Variants in CNTNAP2 observed in about 807,000 individuals in gnomAD.
CNTNAP2 encodes the protein contactin-associated protein-like 2.
CNTNAP2 carries 98 observed loss-of-function variants against 155.2 expected under a neutral mutation model. That is an observed-to-expected ratio of 0.63 (90% CI 0.54 to 0.75). CNTNAP2 has a LOEUF of 0.75. Among genes scored for constraint, CNTNAP2 ranks in the 30% least tolerant of loss-of-function variants. The pLI, the probability that CNTNAP2 is intolerant of heterozygous loss-of-function variation, is 0.00. For missense variants in CNTNAP2, 1,727 were observed against 1,688.1 expected (o/e 1.02, Z -0.40); for synonymous variants, 651 against 631.2 (o/e 1.03, Z -0.47).
At chr7:147,477,502 CT>C (rs201729105) in intron 10 of CNTNAP2, among the ~76,000 whole-genome samples, 2,424 of 152,114 alleles carry the variant, frequency 0.016, 71 homozygotes, top group African/African-American at 0.055. Context: ...TTTATTTTGC[CT>C]TTAGTTTTTC....
intron 21 of CNTNAP2, among the ~76,000 whole-genome samples, chr7:148,268,553 G>A (rs1796716709): frequency 6.6e-6 from 1 of 152,050 alleles, no homozygotes; most frequent in Non-Finnish European, 1.5e-5. Flanking sequence ...TACTTGGGAG[G>A]CTGAGGCAGG....
At chr7:146,158,528 C>T (rs756269741) in intron 1 of CNTNAP2, among the ~76,000 whole-genome samples, 1 of 152,224 alleles carries the variant, frequency 6.6e-6, no homozygotes, top group South Asian at 2.1e-4. Context: ...CTAGAATAAA[C>T]AGTGTAGAGA....
chr7:148,272,684 C>A (rs993014929), intron 21 of CNTNAP2, among the ~76,000 whole-genome samples: 1 of 151,874 alleles, frequency 6.6e-6, no homozygotes, highest in African/African-American at 2.4e-5. Flanking sequence ...GATGGGAGAC[C>A]CCCAGCATCA....
intron 3 of CNTNAP2, among the ~76,000 whole-genome samples, chr7:146,985,437 C>G (rs758305534): frequency 6.6e-6 from 1 of 151,538 alleles, no homozygotes; most frequent in Non-Finnish European, 1.5e-5. Flanking sequence ...CCTGCCTCAG[C>G]CTCCCAAGTA....
chr7:147,599,836 G>A (rs1800909622), intron 12 of CNTNAP2, among the ~76,000 whole-genome samples: 1 of 152,154 alleles, frequency 6.6e-6, no homozygotes, highest in Non-Finnish European at 1.5e-5. Context: ...CATCTGCAAA[G>A]ACGCTATTTC....
At chr7:147,337,742 T>C (rs1795689162) in intron 9 of CNTNAP2, among the ~76,000 whole-genome samples, 1 of 152,120 alleles carries the variant, frequency 6.6e-6, no homozygotes, top group Non-Finnish European at 1.5e-5. Context: ...CCTCTGCCAT[T>C]TCTAGGATGA....
intron 1 of CNTNAP2, among the ~76,000 whole-genome samples, chr7:146,228,073 C>T (rs1799324737): frequency 6.6e-6 from 1 of 152,150 alleles, no homozygotes; most frequent in African/African-American, 2.4e-5. Flanking sequence ...CTGCCCTCTA[C>T]CTTGGTTCAT....
At chr7:147,754,662 T>C (rs542227900) in intron 13 of CNTNAP2, among the ~76,000 whole-genome samples, 14 of 152,144 alleles carry the variant, frequency 9.2e-5, no homozygotes, top group Non-Finnish European at 1.9e-4. Flanking sequence ...TTAAAACTAA[T>C]TTTAGTAAAA....
At chr7:147,204,611 C>A (rs1358743524) in intron 8 of CNTNAP2, among the ~76,000 whole-genome samples, 1 of 152,020 alleles carries the variant, frequency 6.6e-6, no homozygotes, top group Admixed American at 6.6e-5. Context: ...CAGTGTTTCT[C>A]AATTTGGGTT....
intron 12 of CNTNAP2, among the ~76,000 whole-genome samples, chr7:147,601,644 A>AAAAAAAAATATAT (rs1299075338): frequency 6.9e-5 from 6 of 87,462 alleles, no homozygotes; most frequent in African/African-American, 2.1e-4. Context: ...CTTAAAAAAA[A>AAAAAAAAATATAT]ATATATATAT....
At chr7:146,818,112 TTTTC>T (rs1243390303) in intron 2 of CNTNAP2, among the ~76,000 whole-genome samples, 2 of 152,170 alleles carry the variant, frequency 1.3e-5, no homozygotes, top group Non-Finnish European at 2.9e-5. Flanking sequence ...TTTTCTCAAA[TTTTC>T]TTTCTTTTCT....
intron 3 of CNTNAP2, among the ~76,000 whole-genome samples, chr7:146,842,073 G>C (rs1803737768): frequency 6.6e-6 from 1 of 151,974 alleles, no homozygotes. Context: ...TTTTAGTAGA[G>C]ACAGGGTTTC....
chr7:146,833,027 A>AT (rs1190380834), intron 2 of CNTNAP2, among the ~76,000 whole-genome samples: 2 of 152,078 alleles, frequency 1.3e-5, no homozygotes, highest in Non-Finnish European at 2.9e-5. Context: ...GATTATATAT[A>AT]ATTGGTAGCC....
At chr7:148,410,565 CAAAAA>C (rs56258191) in intron 23 of CNTNAP2, among the ~76,000 whole-genome samples, 2,078 of 112,848 alleles carry the variant, frequency 0.018, 26 homozygotes, top group South Asian at 0.044. Flanking sequence ...AGACCTTTCT[CAAAAA>C]AAAAAAAAAA....
intron 21 of CNTNAP2, among the ~76,000 whole-genome samples, chr7:148,371,950 C>A (rs1010129420): frequency 5.9e-5 from 9 of 151,444 alleles, no homozygotes; most frequent in Non-Finnish European, 1.5e-5. Flanking sequence ...CCTGTAATCC[C>A]GGCACTTTGG....
intron 1 of CNTNAP2, among the ~76,000 whole-genome samples, chr7:146,170,279 G>A (rs1798371346): frequency 6.6e-6 from 1 of 152,084 alleles, no homozygotes. Context: ...GCTTGCCTTA[G>A]CCTCTCAAAG....
In CNTNAP2 at chr7:148,413,392, C is replaced by CAAAAAAAAAAAAAA. The variant is rs1184055556; in HGVS notation, c.3797-2015_3797-2014insAAAAAAAAAAAAAA. 6.7e-3 allele frequency among the ~76,000 whole-genome samples: 11 copies of CAAAAAAAAAAAAAA among 1,646 alleles called. 3 individuals carry two copies. Among genetic ancestry groups the CAAAAAAAAAAAAAA allele is most frequent in the Non-Finnish European group, 0.018 (9 of 488 alleles). 1.1% of individuals were successfully genotyped at this position (1,646 alleles called of 152,430 possible). On this transcript the variant is annotated intron_variant, in intron 23 of 23. Coordinates refer to ENST00000361727, the MANE Select transcript of CNTNAP2 (RefSeq NM_014141.6). ...GGGCAACAAGAGTGAAACTCCGTCT[C>CAAAAAAAAAAAAAA]AAAAAAAAAATATATATATATATAT...
chr7:146,202,767 A>G (rs1263346787), intron 1 of CNTNAP2, among the ~76,000 whole-genome samples: 1 of 152,190 alleles, frequency 6.6e-6, no homozygotes, highest in Non-Finnish European at 1.5e-5. Context: ...ATAAAACTGC[A>G]TAAAAATAAT....
chr7:147,629,334 CA>C (rs1475901341), intron 12 of CNTNAP2, among the ~76,000 whole-genome samples: 12 of 151,764 alleles, frequency 7.9e-5, no homozygotes, highest in African/African-American at 2.2e-4. Flanking sequence ...ACCCCAGAGG[CA>C]GAGGTTGCAG....
Sources: allele counts gnomAD v4.1 joint callset (sites outside exome capture counted in the v4.1 genomes callset), GRCh38; gene constraint gnomAD v4.1.1; transcripts MANE v1.5; gene names NCBI Gene and HGNC (gene_info 2026-07-23, HGNC 2026-07-21).